INSRR: variants seen among roughly 807,000 people sequenced by gnomAD.
The protein encoded by INSRR is insulin receptor related receptor.
Under a neutral mutation model 130.0 loss-of-function variants are expected in INSRR, and 114 were observed. That is an observed-to-expected ratio of 0.88 (90% CI 0.75 to 1.02). INSRR has a LOEUF of 1.02. Among genes scored for constraint, INSRR ranks in the 50% least tolerant of loss-of-function variants. The pLI is 0.00. For synonymous variants in INSRR, 674 were observed against 705.2 expected, an observed-to-expected ratio of 0.96 and a Z score of 0.70; for missense variants, 1,657 against 1,735.2, an observed-to-expected ratio of 0.95 and a Z score of 0.80.
rs571473631 is a variant in INSRR at position 156,850,531 on chromosome 1, ATTCTTTTTTTTTTTT to A, written c.1229+744_1229+758del. On this transcript the variant is annotated intron_variant, in intron 5 of 21. Coordinates refer to ENST00000368195, the MANE Select transcript of INSRR (RefSeq NM_014215.3). ...CCCGACCTGGATGGTAATTTAAAAC[ATTCTTTTTTTTTTTT>A]TTTTTTTTTTTTTTTTTTTGAGATG... Among the ~76,000 whole-genome samples, 527 of 97,036 alleles carry A rather than the reference ATTCTTTTTTTTTTTT, an allele frequency of 5.4e-3. 5 individuals are homozygous for A. Among genetic ancestry groups the A allele is most frequent in the African/African-American group, 0.019 (497 of 25,916 alleles). 63.7% of individuals were successfully genotyped at this position (97,036 alleles called of 152,430 possible). A position where few individuals can be genotyped will look rare whatever the true frequency, so the allele number is the denominator to read the frequency against.
chr1:156,854,137 C>T lies in INSRR; in HGVS notation c.252G>A (p.Leu84=). Residue 84 remains leucine, a synonymous_variant, in exon 2 of 22, where the codon CTG becomes CTA. Transcript: ENST00000368195. This position sits in a 1 kb window ranked among gnomAD's most constrained non-coding sequence, Gnocchi z 4.2. ...TCTCCAGTCCGTAGACACGGAAGAG[C>T]AGCAGGTAGTCGGTGACCTGGGTGA... is the stretch of plus-strand genomic sequence containing the variant. ...PRLTQVTDYL[L]LFRVYGLESL... 6.2e-7 allele frequency: 1 copy of T among 1,614,172 alleles called. No homozygotes were observed. Among genetic ancestry groups the T allele is most frequent in the Non-Finnish European group, 8.5e-7 (1 of 1,180,046 alleles).
Position 156,858,460 on chromosome 1 carries a change from G to C in INSRR, c.85+77C>G, listed in dbSNP as rs993977729. On this transcript the variant is annotated intron_variant, in intron 1 of 21. Coordinates refer to ENST00000368195, the MANE Select transcript of INSRR (RefSeq NM_014215.3). ...GTGCAGAGTAAGTGGAGGTGCTGTG[G>C]CTGCAAGCTCAGTTTTTTGGCCTCC... 8 of 1,059,510 alleles carry C rather than the reference G, an allele frequency of 7.6e-6. No homozygotes were observed. The East Asian group carries it at 1.4e-4, about 19-fold the overall frequency. 65.6% of individuals were successfully genotyped at this position (1,059,510 alleles called of 1,614,324 possible). A position where few individuals can be genotyped will look rare whatever the true frequency, so the allele number is the denominator to read the frequency against.
In INSRR at chr1:156,848,963, T is replaced by C. The variant is rs948507641; in HGVS notation, c.1529A>G (p.Glu510Gly). ...LLRWERYEPL[E>G]ARDLLSFIVY... ...GATGAAGCTGAGCAGGTCGCGGGCC[T>C]CCAGTGGCTCATAGCGCTCCCAGCG... The change falls in exon 7 of 22, where the codon GAG becomes GGG. Residue 510 changes from glutamate to glycine, a missense_variant. Transcript: ENST00000368195. The C allele has an allele frequency of 1.2e-6, 2 of 1,603,666 alleles. No individual in the cohort carries two copies. The highest frequency in any genetic ancestry group is 1.7e-6 in the Non-Finnish European group (2 of 1,175,664).
rs1654952707 is a variant in INSRR at position 156,845,297 on chromosome 1, C to T, written c.2217-1G>A. The T allele has an allele frequency of 6.2e-7, 1 of 1,612,722 alleles. No individual in the cohort carries two copies. The highest frequency in any genetic ancestry group is 1.3e-5 in the African/African-American group (1 of 74,936). On this transcript the variant is annotated splice_acceptor_variant, in intron 11 of 21. Coordinates refer to ENST00000368195, the MANE Select transcript of INSRR (RefSeq NM_014215.3). LOFTEE classifies it high-confidence loss of function. ...TGCCCGGCGGTGCCGCCCTGAGTCCCTGGGGAGAGCGAGTCAGAGCCAAGG... is the reference window on the plus strand; with the variant it reads ...TGCCCGGCGGTGCCGCCCTGAGTCCTTGGGGAGAGCGAGTCAGAGCCAAGG...
In INSRR at chr1:156,849,348, G is replaced by A. The variant is rs1221728231; in HGVS notation, c.1342C>T (p.Leu448Phe). ...AGTCGGTAGATGTGTTCCAAGCAGAGGCGCGGGTTGAAGGCGAAGTAGATC... is the reference window on the plus strand; with the variant it reads ...AGTCGGTAGATGTGTTCCAAGCAGAAGCGCGGGTTGAAGGCGAAGTAGATC... ...GKIYFAFNPR[L>F]CLEHIYRLEE... Residue 448 changes from leucine (L) to phenylalanine (F), a missense_variant, in exon 6 of 22, where the codon CTC becomes TTC. Physicochemically the swap from Leu to Phe is conservative, Grantham distance 22. Coordinates refer to ENST00000368195, the MANE Select transcript of INSRR (RefSeq NM_014215.3). 1.2e-6 allele frequency: 2 copies of A among 1,613,866 alleles called. No homozygotes were observed. Among genetic ancestry groups the A allele is most frequent in the Non-Finnish European group, 1.7e-6 (2 of 1,180,024 alleles).
In INSRR at chr1:156,843,075, C is replaced by T; in HGVS notation, c.3055G>A (p.Ala1019Thr). 2 of 1,614,176 alleles carry T rather than the reference C, an allele frequency of 1.2e-6. No homozygotes were observed. Among genetic ancestry groups the T allele is most frequent in the Non-Finnish European group, 1.7e-6 (2 of 1,180,044 alleles). The change falls in exon 17 of 22, where the codon GCC becomes ACC. Residue 1019 changes from alanine to threonine, a missense_variant. Transcript: ENST00000368195. ...AACTCAATGCATTCCCGTGGGCTGG[C>T]CAGCTCATTCACCGTCTTCAGGGCC... ...PVALKTVNEL[A>T]SPRECIEFLK...
rs1364780902 is a variant in INSRR, at chr1:156,854,188, G to A, written c.201C>T (p.Asp67=). The A allele has an allele frequency of 1.2e-6, 2 of 1,614,002 alleles. No homozygotes were observed. The highest frequency in any genetic ancestry group is 2.2e-5 in the East Asian group (1 of 44,904). The change falls in exon 2 of 22, where the codon GAC becomes GAT. Residue 67 remains aspartate (D), a synonymous_variant. Coordinates refer to ENST00000368195, the MANE Select transcript of INSRR (RefSeq NM_014215.3). The surrounding 1 kb of genome is among the most constrained non-coding windows in gnomAD (Gnocchi z 4.2). ...ILLMFTATGE[D]FRGLSFPRLT... is the part of the protein sequence containing the mutation. ...GGCGAGGGAAGCTGAGGCCGCGGAA[G>A]TCCTCCCCGGTGGCTGTGAACATGA...
Position 156,851,427 on chromosome 1 carries a change from C to T in INSRR, c.1092G>A (p.Leu364=). Residue 364 remains leucine, a synonymous_variant, in exon 5 of 22, where the codon CTG becomes CTA. Coordinates refer to ENST00000368195, the MANE Select transcript of INSRR (RefSeq NM_014215.3). ...CCAGGCTGTGCTGCAGCTGTGGCTC[C>T]AGGTTGTCTAGGGATGGGAAGACAG... ...LILNLRQGYN[L]EPQLQHSLGL... The T allele has an allele frequency of 6.2e-7, 1 of 1,614,122 alleles. No individual in the cohort carries two copies. The highest frequency in any genetic ancestry group is 8.5e-7 in the Non-Finnish European group (1 of 1,180,018).
In INSRR at chr1:156,844,872, C is replaced by T. The variant is rs769668559; in HGVS notation, c.2438-29G>A. 8 of 1,612,432 alleles carry T rather than the reference C, an allele frequency of 5.0e-6. No individual in the cohort carries two copies. The South Asian group carries it at 5.5e-5, about 11-fold the overall frequency. On this transcript the variant is annotated intron_variant, in intron 12 of 21. Transcript: ENST00000368195. ...CGGGAAGGGGCATCCAGCAGCCGGGCCAAAAGTGGTTCATCTCACCTTATG... is the reference window on the plus strand; with the variant it reads ...CGGGAAGGGGCATCCAGCAGCCGGGTCAAAAGTGGTTCATCTCACCTTATG...
rs1439794683 is a variant in INSRR, at chr1:156,844,721, G to A, written c.2560C>T (p.Arg854Cys). Residue 854 changes from arginine (R) to cysteine (C), a missense_variant, in exon 13 of 22, where the codon CGC (arginine) becomes TGC (cysteine). By Grantham distance (180) the Arg-to-Cys change is radical. Coordinates refer to ENST00000368195, the MANE Select transcript of INSRR (RefSeq NM_014215.3). The stretch of plus-strand genomic sequence containing the variant: ...CGGGCACCTACCTCTCCCAAGCGGC[G>A]GTACTTGATTTCGTACTTGAGGATG... ...GLILKYEIKY[R>C]RLGEEATVLC... The A allele has an allele frequency of 3.1e-6, 5 of 1,614,006 alleles. No individual in the cohort carries two copies. The highest frequency in any genetic ancestry group is 4.2e-6 in the Non-Finnish European group (5 of 1,180,028).
intron 1 of INSRR, 135 bp downstream of exon 1, chr1:156,858,402 C>T (rs1186065005): frequency 4.3e-6 from 3 of 693,000 alleles, no homozygotes; most frequent in Non-Finnish European, 7.9e-6. Flanking sequence ...CTGGGCAGTT[C>T]TCCTGAGCGC....
chr1:156,841,619 T>A (rs1654787340), intron 20 of INSRR, 46 bp downstream of exon 20: 4 of 1,609,728 alleles, frequency 2.5e-6, no homozygotes, highest in East Asian at 2.2e-5. Context: ...CCTCCCCAGA[T>A]CCCGCCTCCA....
rs201429290 is a variant in INSRR, at chr1:156,852,011, C to A, written c.818G>T (p.Arg273Leu). The A allele has an allele frequency of 2.7e-5, 43 of 1,613,320 alleles. No individual in the cohort carries two copies. Among genetic ancestry groups the A allele is most frequent in the Non-Finnish European group, 3.2e-5 (38 of 1,179,814 alleles). Residue 273 changes from arginine to leucine, a missense_variant, in exon 3 of 22, where the codon CGC becomes CTC. By Grantham distance (102) the Arg-to-Leu change is moderately radical (BLOSUM62 -2). Transcript: ENST00000368195. ...PPGTYQYESW[R>L]CVTAERCASL... Reference sequence around the variant, plus strand: ...GGCACAGCGCTCAGCTGTGACACAGCGCCAGGACTCATACTGGTAGGTGCC... The same window carrying A: ...GGCACAGCGCTCAGCTGTGACACAGAGCCAGGACTCATACTGGTAGGTGCC...
In INSRR at chr1:156,840,530, A is replaced by G. The variant is rs1654731143; in HGVS notation, c.*343T>C. ...CGCTGGCCCTACCTGTCCAGAGGAG[A>G]CCCCAAACTGAGGGGCAGGGCCTCT... is the stretch of plus-strand genomic sequence containing the variant. On this transcript the variant is annotated 3_prime_UTR_variant, in exon 22 of 22. Transcript: ENST00000368195. 3.1e-6 allele frequency: 1 copy of G among 323,242 alleles called. No individual in the cohort carries two copies. Among genetic ancestry groups the G allele is most frequent in the African/African-American group, 2.2e-5 (1 of 46,056 alleles). 20.0% of individuals were successfully genotyped at this position (323,242 alleles called of 1,614,324 possible). A position where few individuals can be genotyped will look rare whatever the true frequency, so the allele number is the denominator to read the frequency against.
chr1:156,857,904 A>T (rs1011416228), intron 1 of INSRR, among the ~76,000 whole-genome samples: 1 of 151,964 alleles, frequency 6.6e-6, no homozygotes, highest in Non-Finnish European at 1.5e-5. Flanking sequence ...AGGGTCATTT[A>T]GTCTATATAG....
At position 156,840,785 on chromosome 1, in the gene INSRR, T is replaced by C; in HGVS notation, c.*88A>G. On this transcript the variant is annotated 3_prime_UTR_variant, in exon 22 of 22. Coordinates refer to ENST00000368195, the MANE Select transcript of INSRR (RefSeq NM_014215.3). ...GGCCATCCCTTGCCCTGAGTTGGGG[T>C]GGGGGTGAACATTCAGGCGTCTCAG... is the stretch of plus-strand genomic sequence containing the variant. 9.9e-7 allele frequency: 1 copy of C among 1,009,124 alleles called. No individual in the cohort carries two copies. The highest frequency in any genetic ancestry group is 1.5e-6 in the Non-Finnish European group (1 of 658,654). 62.5% of individuals were successfully genotyped at this position (1,009,124 alleles called of 1,614,324 possible). A position where few individuals can be genotyped will look rare whatever the true frequency, so the allele number is the denominator to read the frequency against.
chr1:156,843,148 A>C lies in INSRR; in HGVS notation c.2982T>G (p.Tyr994Ter). 1 of 1,614,082 alleles carries C rather than the reference A, an allele frequency of 6.2e-7. No individual in the cohort carries two copies. Among genetic ancestry groups the C allele is most frequent in the Non-Finnish European group, 8.5e-7 (1 of 1,180,024 alleles). The change falls in exon 17 of 22, where the codon TAT (tyrosine) becomes TAG (stop). Residue 994 changes from tyrosine (Y) to a stop codon, truncating the protein, a stop_gained. Coordinates refer to ENST00000368195, the MANE Select transcript of INSRR (RefSeq NM_014215.3). LOFTEE classifies it high-confidence loss of function. ...CCTCAAGTCCTCGTGCCAGCCCCTC[A>C]TATACCATCCCAAAAGAGCCCTGGC... ...ELGQGSFGMV[Y>*]EGLARGLEAG...
At chr1:156,858,503 G>A (rs1655490207) in intron 1 of INSRR, 34 bp downstream of exon 1, 1 of 1,563,270 alleles carries the variant, frequency 6.4e-7, no homozygotes, top group Non-Finnish European at 8.8e-7. Context: ...CTGGGAGGGA[G>A]GTAGGGGTCT....
intron 1 of INSRR, among the ~76,000 whole-genome samples, chr1:156,857,025 T>TGCCACGC (rs970865684): frequency 2.0e-5 from 3 of 152,108 alleles, no homozygotes; most frequent in African/African-American, 7.2e-5. Flanking sequence ...ACATGCCACA[T>TGCCACGC]GCCACGCTAT....
Sources: gnomAD v4.1 joint callset for allele counts (sites outside exome capture counted in the v4.1 genomes callset) on GRCh38, gnomAD v4.1.1 for gene constraint, Gnocchi (gnomAD v3.1) non-coding constraint, MANE v1.5 for transcripts, NCBI Gene and HGNC (gene_info 2026-07-23, HGNC 2026-07-21) for gene names.